The following FRYL variants were observed in gnomAD, a reference collection of about 807,000 sequenced individuals.
FRYL encodes protein furry homolog-like.
Under a neutral mutation model 351.2 loss-of-function variants are expected in FRYL, and 150 were observed. The ratio of observed to expected loss-of-function variants is 0.43; its 90% CI spans 0.37 to 0.49. The LOEUF (loss-of-function observed/expected upper bound fraction) is 0.49. Among genes scored for constraint, FRYL ranks in the 20% least tolerant of loss-of-function variants. The pLI is 0.00. For synonymous variants in FRYL, 1,153 were observed against 1,257.1 expected, an observed-to-expected ratio of 0.92 and a Z score of 1.75; for missense variants, 3,036 against 3,619.3, an observed-to-expected ratio of 0.84 and a Z score of 4.13.
intron 33 of FRYL, among the ~76,000 whole-genome samples, chr4:48,559,668 G>T (rs1441927914): frequency 1.0e-5 from 1 of 96,482 alleles, no homozygotes; most frequent in African/African-American, 4.0e-5. Context: ...GGGAGGGAGA[G>T]AGGAAGAGGG....
intron 1 of FRYL, among the ~76,000 whole-genome samples, chr4:48,753,978 T>A (rs1199820876): frequency 1.3e-5 from 2 of 152,234 alleles, no homozygotes; most frequent in Non-Finnish European, 2.9e-5. Flanking sequence ...TAAAGACTTA[T>A]TTGTAAACTC....
chr4:48,539,147 C>T (rs915957443), intron 47 of FRYL, among the ~76,000 whole-genome samples: 1 of 151,898 alleles, frequency 6.6e-6, no homozygotes, highest in Admixed American at 6.6e-5. Flanking sequence ...AGATGATTTA[C>T]AAACAGCTAC....
chr4:48,630,134 G>A (rs1752663998), intron 4 of FRYL, among the ~76,000 whole-genome samples: 1 of 151,910 alleles, frequency 6.6e-6, no homozygotes. Context: ...CCTTCTTTGG[G>A]GACTCTGACA....
At chr4:48,516,492 GCTT>G (rs1383032113) in intron 55 of FRYL, among the ~76,000 whole-genome samples, 1 of 152,198 alleles carries the variant, frequency 6.6e-6, no homozygotes, top group Non-Finnish European at 1.5e-5. Flanking sequence ...ATAAAGATCA[GCTT>G]CTTTTGAGTA....
intron 1 of FRYL, among the ~76,000 whole-genome samples, chr4:48,761,288 T>G (rs1465960592): frequency 6.6e-6 from 1 of 152,144 alleles, no homozygotes; most frequent in Non-Finnish European, 1.5e-5. Flanking sequence ...GATGTGACTA[T>G]CCAACATATT....
chr4:48,506,871 G>T (rs1721178583), intron 59 of FRYL, among the ~76,000 whole-genome samples: 1 of 151,568 alleles, frequency 6.6e-6, no homozygotes, highest in South Asian at 2.1e-4. Context: ...GATTTCACCG[G>T]CCCTTAGGCT....
chr4:48,649,728 GT>G (rs1203784459), intron 3 of FRYL, among the ~76,000 whole-genome samples: 1 of 152,180 alleles, frequency 6.6e-6, no homozygotes, highest in African/African-American at 2.4e-5. Context: ...TCACTTCATT[GT>G]TGTTACTGAA....
intron 1 of FRYL, among the ~76,000 whole-genome samples, chr4:48,716,524 A>C (rs1272028861): frequency 1.3e-5 from 2 of 151,698 alleles, no homozygotes; most frequent in African/African-American, 4.8e-5. Flanking sequence ...CACACGAAAA[A>C]ATGCTCACCA....
chr4:48,618,430 T>C (rs1357499217), intron 7 of FRYL: 1 of 152,144 alleles, frequency 6.6e-6, no homozygotes, highest in East Asian at 1.9e-4. Context: ...TATTCCTTTC[T>C]ATGTAACAAA....
intron 47 of FRYL, among the ~76,000 whole-genome samples, chr4:48,536,269 G>A (rs981010871): frequency 3.3e-5 from 5 of 152,150 alleles, no homozygotes; most frequent in Non-Finnish European, 7.3e-5. Context: ...AGCTGTGCCC[G>A]GGGTATCTCA....
chr4:48,733,628 T>C (rs1770977750), intron 1 of FRYL, among the ~76,000 whole-genome samples: 2 of 152,134 alleles, frequency 1.3e-5, no homozygotes, highest in African/African-American at 4.8e-5. Flanking sequence ...TGTATTAAAT[T>C]ATATATGCAT....
intron 25 of FRYL, among the ~76,000 whole-genome samples, chr4:48,573,808 C>T (rs1738930648): frequency 6.6e-6 from 1 of 152,196 alleles, no homozygotes. Flanking sequence ...GCCTCAGCCT[C>T]CCAAAGTGTT....
At chr4:48,637,378 C>G (rs1474925675) in intron 3 of FRYL, 1 of 151,960 alleles carries the variant, frequency 6.6e-6, no homozygotes, top group Admixed American at 6.6e-5. Context: ...GATGATCACT[C>G]CAAGTAGAAG....
chr4:48,591,165 A>G (rs1164094190), intron 16 of FRYL, among the ~76,000 whole-genome samples: 1 of 152,108 alleles, frequency 6.6e-6, no homozygotes, highest in Non-Finnish European at 1.5e-5. Flanking sequence ...ACTTCACAGA[A>G]GAAAAAAAAT....
At chr4:48,673,700 A>G (rs533747713) in intron 3 of FRYL, among the ~76,000 whole-genome samples, 25 of 152,354 alleles carry the variant, frequency 1.6e-4, no homozygotes, top group African/African-American at 5.8e-4. Flanking sequence ...AAAGGCCTCA[A>G]ATAATTTTAA....
At chr4:48,529,162 T>C (rs1726963338) in intron 50 of FRYL, among the ~76,000 whole-genome samples, 1 of 152,142 alleles carries the variant, frequency 6.6e-6, no homozygotes, top group Admixed American at 6.6e-5. Flanking sequence ...TAAGTAAACT[T>C]CTAATCATCT....
intron 1 of FRYL, among the ~76,000 whole-genome samples, chr4:48,745,503 A>G (rs1435615382): frequency 1.3e-5 from 2 of 152,182 alleles, no homozygotes; most frequent in Non-Finnish European, 1.5e-5. Context: ...TATCGCAAGG[A>G]CAAAAAACCA....
chr4:48,569,468 A>T (rs567158351), intron 27 of FRYL, among the ~76,000 whole-genome samples: 1 of 152,118 alleles, frequency 6.6e-6, no homozygotes, highest in Non-Finnish European at 1.5e-5. Flanking sequence ...CACCGTGCCC[A>T]GCTAATTTTT....
At chr4:48,641,921 C>T (rs1379902864) in intron 3 of FRYL, among the ~76,000 whole-genome samples, 3 of 152,074 alleles carry the variant, frequency 2.0e-5, no homozygotes, top group Non-Finnish European at 2.9e-5. Context: ...TTTTTAAGTT[C>T]GCTTTATTTG....
Sources: allele counts gnomAD v4.1 joint callset (sites outside exome capture counted in the v4.1 genomes callset), GRCh38; gene constraint gnomAD v4.1.1; transcripts MANE v1.5; gene names NCBI Gene and HGNC (gene_info 2026-07-23, HGNC 2026-07-21).